Variants in CSMD3 observed in about 807,000 individuals in gnomAD.
CSMD3 encodes CUB and Sushi multiple domains 3.
In CSMD3, 177 loss-of-function variants were observed where a neutral mutation model predicts 435.2. The ratio of observed to expected loss-of-function variants is 0.41; its 90% CI spans 0.36 to 0.46. The LOEUF (loss-of-function observed/expected upper bound fraction) is 0.46, where lower values mean the gene tolerates loss of function less well. Ranked by LOEUF, CSMD3 falls within the 20% of genes least tolerant of loss-of-function variation. The pLI, the probability that CSMD3 is intolerant of heterozygous loss-of-function variation, is 0.34. For missense variants in CSMD3, 4,265 were observed against 4,504.6 expected, an observed-to-expected ratio of 0.95 and a Z score of 1.52; for synonymous variants, 1,656 against 1,520.5, an observed-to-expected ratio of 1.09 and a Z score of -2.07.
chr8:113,083,288 T>C (rs1350646969), intron 5 of CSMD3, among the ~76,000 whole-genome samples: 1 of 152,004 alleles, frequency 6.6e-6, no homozygotes, highest in Non-Finnish European at 1.5e-5. Context: ...ATTAGACTAA[T>C]AGATTTCTCA....
chr8:113,029,670 T>C (rs1301397675), intron 5 of CSMD3, among the ~76,000 whole-genome samples: 2 of 151,596 alleles, frequency 1.3e-5, no homozygotes, highest in African/African-American at 2.4e-5. Context: ...GCCAACATTA[T>C]ACTGAATGGG....
chr8:112,317,240 T>C (rs1372962841), intron 47 of CSMD3, among the ~76,000 whole-genome samples: 1 of 151,988 alleles, frequency 6.6e-6, no homozygotes, highest in Non-Finnish European at 1.5e-5. Flanking sequence ...ATTTGGGGAA[T>C]AAGACATTGA....
At chr8:112,846,217 A>T (rs2080313886) in intron 11 of CSMD3, among the ~76,000 whole-genome samples, 1 of 151,644 alleles carries the variant, frequency 6.6e-6, no homozygotes, top group Admixed American at 6.6e-5. Flanking sequence ...AATTATTCTT[A>T]AAAAAGATAA....
rs78522045 is a variant in CSMD3, at chr8:113,170,809, A to G, written c.709+2913T>C. Reference sequence around the variant, plus strand: ...AATTTATTCATTAGTTTTACAGCTGAGGAGAAAAAAAAGTGACCTGGGTAG... The same window carrying G: ...AATTTATTCATTAGTTTTACAGCTGGGGAGAAAAAAAAGTGACCTGGGTAG... On this transcript the variant is annotated intron_variant, in intron 4 of 70. Coordinates refer to ENST00000297405, the MANE Select transcript of CSMD3 (RefSeq NM_198123.2). 5.9e-3 allele frequency among the ~76,000 whole-genome samples: 896 copies of G among 152,236 alleles called. 4 individuals carry two copies. The highest frequency in any genetic ancestry group is 0.019 in the African/African-American group (796 of 41,572).
intron 32 of CSMD3, among the ~76,000 whole-genome samples, chr8:112,465,970 A>G (rs1449630085): frequency 7.2e-6 from 1 of 138,742 alleles, no homozygotes; most frequent in Non-Finnish European, 1.6e-5. Context: ...GGGAGACACC[A>G]TCTCAAAAAA....
intron 59 of CSMD3, among the ~76,000 whole-genome samples, chr8:112,270,336 A>T (rs887481749): frequency 9.0e-6 from 1 of 110,722 alleles, no homozygotes; most frequent in Non-Finnish European, 2.0e-5. Context: ...TAAAAAACAG[A>T]GGGGTGAGTG....
chr8:113,399,693 A>C (rs1262108851), intron 1 of CSMD3, among the ~76,000 whole-genome samples: 1 of 151,836 alleles, frequency 6.6e-6, no homozygotes, highest in Non-Finnish European at 1.5e-5. Context: ...AGTTTCTTTG[A>C]TGTGTGTGTT....
intron 5 of CSMD3, among the ~76,000 whole-genome samples, chr8:113,046,432 C>A (rs1426698892): frequency 7.0e-6 from 1 of 142,224 alleles, no homozygotes. Flanking sequence ...TCCACAAGAG[C>A]AGCCACCCAG....
intron 17 of CSMD3, among the ~76,000 whole-genome samples, chr8:112,662,745 A>C (rs1305592012): frequency 2.0e-5 from 3 of 152,208 alleles, no homozygotes; most frequent in Non-Finnish European, 2.9e-5. Flanking sequence ...CAACCTACAG[A>C]ATGGGAGAAA....
chr8:112,330,468 C>T (rs543047658), intron 45 of CSMD3, among the ~76,000 whole-genome samples: 2 of 152,020 alleles, frequency 1.3e-5, no homozygotes, highest in African/African-American at 2.4e-5. Context: ...AAAATAATTT[C>T]GGTATTAAAT....
intron 5 of CSMD3, among the ~76,000 whole-genome samples, chr8:113,060,368 C>T (rs1196064231): frequency 1.3e-5 from 2 of 150,182 alleles, no homozygotes; most frequent in African/African-American, 4.9e-5. Flanking sequence ...TGTATATGTG[C>T]CACATTTTCT....
intron 10 of CSMD3, among the ~76,000 whole-genome samples, chr8:112,871,528 C>T (rs1327689197): frequency 2.0e-5 from 3 of 152,014 alleles, no homozygotes; most frequent in African/African-American, 4.8e-5. Context: ...AAGACCAGCA[C>T]TGGAAGTTAG....
At chr8:113,314,424 G>A (rs953738834) in intron 2 of CSMD3, 147 bp downstream of exon 2, 1 of 643,596 alleles carries the variant, frequency 1.6e-6, no homozygotes, top group African/African-American at 1.8e-5. Flanking sequence ...TTGTTCATGG[G>A]ATGATATATT....
intron 31 of CSMD3, among the ~76,000 whole-genome samples, chr8:112,488,871 G>A (rs73700942): frequency 0.013 from 1,957 of 152,152 alleles, 46 homozygotes; most frequent in African/African-American, 0.044. Flanking sequence ...GGAGTTTTGG[G>A]AGGGGCCATC....
intron 12 of CSMD3, among the ~76,000 whole-genome samples, chr8:112,807,537 T>TAGGA (rs982232018): frequency 0.015 from 1,289 of 87,348 alleles, 9 homozygotes; most frequent in South Asian, 0.039. Flanking sequence ...GGTAGGTAGG[T>TAGGA]AGGAAATACA....
intron 32 of CSMD3, among the ~76,000 whole-genome samples, chr8:112,462,622 A>G (rs1206653623): frequency 1.3e-5 from 2 of 152,260 alleles, no homozygotes; most frequent in Admixed American, 6.5e-5. Context: ...TTGAAAGGAA[A>G]TAACTTTGCT....
chr8:113,029,676 A>G (rs1391727904), intron 5 of CSMD3, among the ~76,000 whole-genome samples: 1 of 151,674 alleles, frequency 6.6e-6, no homozygotes, highest in Non-Finnish European at 1.5e-5. Flanking sequence ...ATTATACTGA[A>G]TGGGGAAAAG....
chr8:112,803,098 A>G (rs1463080948), intron 12 of CSMD3, among the ~76,000 whole-genome samples: 1 of 152,106 alleles, frequency 6.6e-6, no homozygotes, highest in Non-Finnish European at 1.5e-5. Context: ...TATTGGATAC[A>G]TATTATTCTT....
intron 9 of CSMD3, among the ~76,000 whole-genome samples, chr8:112,935,511 T>C (rs1405137404): frequency 1.3e-5 from 2 of 152,106 alleles, no homozygotes; most frequent in East Asian, 3.8e-4. Flanking sequence ...TAGACACTTT[T>C]TTCATGAGCA....
Sources: allele counts gnomAD v4.1 joint callset (sites outside exome capture counted in the v4.1 genomes callset), GRCh38; gene constraint gnomAD v4.1.1; transcripts MANE v1.5; gene names NCBI Gene and HGNC (gene_info 2026-07-23, HGNC 2026-07-21).